The following EPRS1 variants were observed in gnomAD, a reference collection of about 807,000 sequenced individuals.
The protein encoded by EPRS1 is glutamyl-prolyl-tRNA synthetase 1.
EPRS1 carries 107 observed loss-of-function variants against 188.3 expected under a neutral mutation model. The observed-to-expected ratio is 0.57, with a 90% CI of 0.49 to 0.67. The LOEUF (loss-of-function observed/expected upper bound fraction) is 0.67, where lower values mean the gene tolerates loss of function less well. Among genes scored for constraint, EPRS1 ranks in the 30% least tolerant of loss-of-function variants. EPRS1 has a pLI of 0.00. For missense variants in EPRS1, 1,577 were observed against 1,802.2 expected, an observed-to-expected ratio of 0.88 and a Z score of 2.26; for synonymous variants, 596 against 593.1, an observed-to-expected ratio of 1.00 and a Z score of -0.07.
Position 220,040,281 on chromosome 1 carries a change from A to G in EPRS1, c.47-12T>C, listed in dbSNP as rs559645215. 6.5e-7 allele frequency: 1 copy of G among 1,541,538 alleles called. No homozygotes were observed. Among genetic ancestry groups the G allele is most frequent in the South Asian group, 1.2e-5 (1 of 85,802 alleles). On this transcript the variant is annotated splice_polypyrimidine_tract_variant and intron_variant, in intron 1 of 31. Coordinates refer to ENST00000366923, the MANE Select transcript of EPRS1 (RefSeq NM_004446.3). Reference sequence around the variant, plus strand: ...TGCCAGCAAAGCTCCTATAAATAATATGAAAAGATTTTTTATCTTTAAAAG... The same window carrying G: ...TGCCAGCAAAGCTCCTATAAATAATGTGAAAAGATTTTTTATCTTTAAAAG...
At chr1:219,977,790 C>A (rs978305906) in intron 28 of EPRS1, among the ~76,000 whole-genome samples, 2 of 152,060 alleles carry the variant, frequency 1.3e-5, no homozygotes, top group African/African-American at 4.8e-5. Context: ...ACTTTGGGAA[C>A]CCTAGATGTA....
At chr1:220,018,229 T>A in intron 12 of EPRS1, 1 of 1,179,676 alleles carries the variant, frequency 8.5e-7, no homozygotes, top group African/African-American at 1.5e-5. Flanking sequence ...ATTCCAAGTT[T>A]GTTTGTTTCA....
chr1:220,023,114 T>C (rs1661909069), intron 8 of EPRS1, among the ~76,000 whole-genome samples: 1 of 152,060 alleles, frequency 6.6e-6, no homozygotes, highest in African/African-American at 2.4e-5. Flanking sequence ...TAAGAGGTGA[T>C]AGAAAACAGT....
At chr1:220,036,075 T>A (rs554335349) in intron 2 of EPRS1, among the ~76,000 whole-genome samples, 2 of 152,020 alleles carry the variant, frequency 1.3e-5, no homozygotes, top group Admixed American at 1.3e-4. Context: ...TGGTGGGCAC[T>A]TATAATCCCA....
intron 1 of EPRS1, among the ~76,000 whole-genome samples, chr1:220,042,125 G>A (rs1316346433): frequency 7.1e-6 from 1 of 141,408 alleles, no homozygotes; most frequent in Non-Finnish European, 1.5e-5. Context: ...AGGTTGCAGT[G>A]AGCCGAGATC....
intron 12 of EPRS1, 82 bp downstream of exon 12, chr1:220,018,367 C>T: frequency 8.6e-7 from 1 of 1,160,054 alleles, no homozygotes; most frequent in Middle Eastern, 2.7e-4. Flanking sequence ...TTTTCTCTAC[C>T]ATGAGCACAG....
intron 13 of EPRS1, among the ~76,000 whole-genome samples, chr1:220,009,476 C>T (rs552594299): frequency 2.0e-5 from 3 of 151,854 alleles, no homozygotes; most frequent in Admixed American, 2.0e-4. Flanking sequence ...TGAAACCCTG[C>T]CTCTATAAAT....
At position 219,997,061 on chromosome 1, in the gene EPRS1, C is replaced by T; in HGVS notation, c.2463G>A (p.Leu821=). The T allele has an allele frequency of 6.2e-7, 1 of 1,613,862 alleles. No homozygotes were observed. The highest frequency in any genetic ancestry group is 8.5e-7 in the Non-Finnish European group (1 of 1,179,920). Reference sequence around the variant, plus strand: ...CTTCATCATACAGAGATTTACTTTCCAGAATACTTGCTGAGGAATTAGAAG... The same window carrying T: ...CTTCATCATACAGAGATTTACTTTCTAGAATACTTGCTGAGGAATTAGAAG... ...NISSNSSASI[L]ESKSLYDEVA... is the part of the protein sequence containing the mutation. Residue 821 remains leucine, a synonymous_variant, in exon 18 of 32, where the codon CTG becomes CTA. Coordinates refer to ENST00000366923, the MANE Select transcript of EPRS1 (RefSeq NM_004446.3).
At chr1:219,969,570 A>C (rs1051247919) in intron 30 of EPRS1, among the ~76,000 whole-genome samples, 1 of 151,896 alleles carries the variant, frequency 6.6e-6, no homozygotes, top group Non-Finnish European at 1.5e-5. Context: ...AATCACGCAA[A>C]TTTCACTTTA....
chr1:219,990,810 C>T (rs1353905814), intron 18 of EPRS1, among the ~76,000 whole-genome samples: 1 of 152,122 alleles, frequency 6.6e-6, no homozygotes, highest in Non-Finnish European at 1.5e-5. Context: ...GATCAAAAGG[C>T]ATTTACAAAG....
intron 18 of EPRS1, among the ~76,000 whole-genome samples, chr1:219,995,448 G>A (rs1176457010): frequency 6.6e-6 from 1 of 152,066 alleles, no homozygotes; most frequent in Non-Finnish European, 1.5e-5. Flanking sequence ...ACCTAAAAAG[G>A]AGTACATATT....
chr1:220,040,392 T>C, intron 1 of EPRS1, 123 bp from the exon 2 acceptor site: 1 of 615,420 alleles, frequency 1.6e-6, no homozygotes, highest in South Asian at 2.3e-5. Context: ...TGAACTTTTT[T>C]CTCAGTAGTC....
At chr1:220,027,681 A>G (rs925969737) in intron 6 of EPRS1, among the ~76,000 whole-genome samples, 2 of 151,322 alleles carry the variant, frequency 1.3e-5, no homozygotes, top group Non-Finnish European at 2.9e-5. Flanking sequence ...AAAACTTTAT[A>G]CATATAATAA....
At chr1:220,003,227 T>C (rs1661393965) in intron 16 of EPRS1, among the ~76,000 whole-genome samples, 1 of 152,336 alleles carries the variant, frequency 6.6e-6, no homozygotes, top group South Asian at 2.1e-4. Flanking sequence ...CAACTAATGA[T>C]GCTGAGCATC....
intron 1 of EPRS1, among the ~76,000 whole-genome samples, chr1:220,044,621 G>A (rs1340501968): frequency 7.0e-6 from 1 of 143,660 alleles, no homozygotes; most frequent in African/African-American, 2.6e-5. Flanking sequence ...AACTACTCGT[G>A]TGGCTGAGAA....
intron 9 of EPRS1, among the ~76,000 whole-genome samples, chr1:220,021,662 T>C (rs1050283053): frequency 2.0e-5 from 3 of 152,226 alleles, no homozygotes; most frequent in Middle Eastern, 3.2e-3. Flanking sequence ...ATGATATGTA[T>C]GCACATATAA....
Position 220,001,152 on chromosome 1 carries a change from C to T in EPRS1, c.2167G>A (p.Ala723Thr), listed in dbSNP as rs753511053. ...SGSKEKTKVE[A>T]TKNETSAPFK... ...AAAGTCATTACCTCATTTTTTGTGG[C>T]TTCTACTTTGGTCTTTTCCTTTGAC... The change falls in exon 17 of 32, where the codon GCC (alanine) becomes ACC (threonine). Residue 723 changes from alanine to threonine, a missense_variant. Coordinates refer to ENST00000366923, the MANE Select transcript of EPRS1 (RefSeq NM_004446.3). The T allele has an allele frequency of 3.1e-6, 5 of 1,607,180 alleles. No individual in the cohort carries two copies. The highest frequency in any genetic ancestry group is 3.3e-4 in the Middle Eastern group (2 of 6,050).
chr1:219,970,111 C>T (rs1278237595), intron 30 of EPRS1, among the ~76,000 whole-genome samples: 3 of 152,090 alleles, frequency 2.0e-5, no homozygotes, highest in Admixed American at 6.6e-5. Flanking sequence ...TGTGAGCCAC[C>T]GGGCCCAGCC....
chr1:219,985,523 C>G (rs931952015), intron 20 of EPRS1, among the ~76,000 whole-genome samples: 6 of 152,120 alleles, frequency 3.9e-5, no homozygotes, highest in Admixed American at 2.0e-4. Flanking sequence ...CCCCCTCCCC[C>G]ACCCAAGTAG....
Sources: gnomAD v4.1 joint callset for allele counts (sites outside exome capture counted in the v4.1 genomes callset) on GRCh38, gnomAD v4.1.1 for gene constraint, MANE v1.5 for transcripts, NCBI Gene and HGNC (gene_info 2026-07-23, HGNC 2026-07-21) for gene names.